C11orf65: variants seen among roughly 807,000 people sequenced by gnomAD.
The protein encoded by C11orf65 is protein MFI.
A neutral mutation model predicts 35.3 loss-of-function variants in C11orf65; 38 were observed. The ratio of observed to expected loss-of-function variants is 1.08; its 90% confidence interval spans 0.83 to 1.41. The LOEUF is 1.41. Among genes scored for constraint, C11orf65 ranks in the 40% most tolerant of loss-of-function variants. The pLI, the probability that C11orf65 is intolerant of heterozygous loss-of-function variation, is 0.00. For missense variants in C11orf65, 370 were observed against 367.1 expected (o/e 1.01, Z -0.06); for synonymous variants, 105 against 114.4 (o/e 0.92, Z 0.53).
intron 2 of C11orf65, among the ~76,000 whole-genome samples, chr11:108,375,424 C>G (rs965740140): frequency 6.7e-6 from 1 of 150,282 alleles, no homozygotes; most frequent in African/African-American, 2.4e-5. Flanking sequence ...ACTTTACAGA[C>G]AAGCAAATGC....
chr11:108,330,213 G>C (rs1555122941), downstream of C11orf65: 3 of 1,613,570 alleles, frequency 1.9e-6, no homozygotes, highest in Non-Finnish European at 2.5e-6. Flanking sequence ...TTCTATGCAA[G>C]ATACACAGTA....
rs567866889 is a variant in C11orf65, at chr11:108,385,701, T to A, written c.787+219A>T. On this transcript the variant is annotated intron_variant, in intron 8 of 8. Transcript: ENST00000393084. ...CGTCTCAAAAAAAAAAAAAGATTCA[T>A]ATTTTTAAAATCACTTTATTCAAAC... Among the ~76,000 whole-genome samples, 108 of 152,032 alleles carry A rather than the reference T, an allele frequency of 7.1e-4. 3 individuals carry two copies. In the South Asian group the frequency reaches 0.012, roughly 17 times the overall value.
intron 2 of C11orf65, among the ~76,000 whole-genome samples, chr11:108,351,625 G>A (rs1197789972): frequency 6.6e-6 from 1 of 152,120 alleles, no homozygotes; most frequent in East Asian, 1.9e-4. Context: ...CTCCCATGTG[G>A]CCTCTCTGTC....
At chr11:108,455,078 G>C (rs2093396614) in intron 2 of C11orf65, among the ~76,000 whole-genome samples, 1 of 151,998 alleles carries the variant, frequency 6.6e-6, no homozygotes, top group Admixed American at 6.6e-5. Context: ...TCTCCATTTT[G>C]TTTGTCTCAA....
chr11:108,376,035 T>C (rs2091714552), intron 2 of C11orf65, among the ~76,000 whole-genome samples: 1 of 152,010 alleles, frequency 6.6e-6, no homozygotes, highest in Non-Finnish European at 1.5e-5. Flanking sequence ...ACAATAATAA[T>C]GGGAGACTTT....
intron 2 of C11orf65, chr11:108,353,612 A>G: frequency 1.6e-6 from 1 of 629,494 alleles, no homozygotes; most frequent in Non-Finnish European, 2.9e-6. Flanking sequence ...AAGATGAGGA[A>G]GGCAGCCAGA....
chr11:108,317,960 C>T (rs2084892033), intron 6 of C11orf65, among the ~76,000 whole-genome samples: 1 of 152,034 alleles, frequency 6.6e-6, no homozygotes, highest in Non-Finnish European at 1.5e-5. Context: ...AGGCATTCCT[C>T]TTTCTACTTC....
chr11:108,311,966 T>C (rs138898342), intron 6 of C11orf65, among the ~76,000 whole-genome samples: 4 of 152,302 alleles, frequency 2.6e-5, no homozygotes, highest in African/African-American at 9.6e-5. Flanking sequence ...AAGTGGATCC[T>C]ACTGATCTAC....
rs368040451 is a variant in C11orf65 at position 108,375,881 on chromosome 11, A to G, written c.226+17327T>C. ...CTTTAAACCAACAAAGATCAAAAGAAACAAAGAAGGCCATTACATAATGGT... is the reference window on the plus strand; with the variant it reads ...CTTTAAACCAACAAAGATCAAAAGAGACAAAGAAGGCCATTACATAATGGT... On this transcript the variant is annotated intron_variant, in intron 2 of 3. Transcript: ENST00000524755. 9.8e-3 allele frequency among the ~76,000 whole-genome samples: 1,490 copies of G among 152,204 alleles called. 15 individuals carry two copies. The highest frequency in any genetic ancestry group is 0.033 in the African/African-American group (1,379 of 41,512).
At chr11:108,356,541 A>T (rs111301767) in intron 2 of C11orf65, among the ~76,000 whole-genome samples, 3,121 of 92,832 alleles carry the variant, frequency 0.034, 117 homozygotes, top group African/African-American at 0.12. Context: ...TGTCTGTCTT[A>T]AAAAAAAAAA....
In C11orf65 at chr11:108,319,987, A is replaced by AT. The variant is rs1198014194; in HGVS notation, c.641-10917dup. On this transcript the variant is annotated intron_variant, in intron 6 of 6. Coordinates refer to the C11orf65 transcript ENST00000525729. ...TAGAAGGAACCAGTTACCATGAATCATTGTACAATGCTCTACAATCTCTAA... is the reference window on the plus strand; with the variant it reads ...TAGAAGGAACCAGTTACCATGAATCATTTGTACAATGCTCTACAATCTCTAA... 1.2e-6 allele frequency: 2 copies of AT among 1,612,738 alleles called. No homozygotes were observed.
chr11:108,382,680 G>A, downstream of C11orf65: 3 of 661,078 alleles, frequency 4.5e-6, no homozygotes, highest in South Asian at 2.0e-4. Flanking sequence ...TGGGATAAAG[G>A]GACCGAGAGC....
chr11:108,365,415 C>CA lies in C11orf65; in HGVS notation c.226+27792dup, dbSNP rs587780645. ...AAGGAGTGGAAGAAGGCACTGTGCT[C>CA]AGTGTTGGTGGACAAGTGAATTTGC... On this transcript the variant is annotated intron_variant, in intron 2 of 3. Transcript: ENST00000524755. The CA allele has an allele frequency of 1.2e-6, 2 of 1,614,160 alleles. No homozygotes were observed.
intron 2 of C11orf65, chr11:108,336,264 A>G (rs2086841887): frequency 3.1e-6 from 1 of 324,116 alleles, no homozygotes; most frequent in Non-Finnish European, 5.8e-6. Context: ...CAAACTCTGC[A>G]GTGAGCCCCA....
Position 108,431,783 on chromosome 11 carries a change from T to C in C11orf65, c.137A>G (p.Glu46Gly). ...KSLIDLRRQG[E>G]PRQIVKYINP... ...AATATATTTCACTATCTGACGTGGT[T>C]CTCCTTGTCTTCTTAAATCAATCAG... Residue 46 changes from glutamate (E) to glycine (G), a missense_variant, in exon 3 of 9, where the codon GAA (glutamate) becomes GGA (glycine). Coordinates refer to ENST00000393084, the MANE Select transcript of C11orf65 (RefSeq NM_152587.5). The C allele has an allele frequency of 1.3e-6, 2 of 1,525,820 alleles. No individual in the cohort carries two copies. Among genetic ancestry groups the C allele is most frequent in the Admixed American group, 1.8e-5 (1 of 56,748 alleles). 94.5% of individuals were successfully genotyped at this position (1,525,820 alleles called of 1,614,324 possible). A position where few individuals can be genotyped will look rare whatever the true frequency, so the allele number is the denominator to read the frequency against.
intron 2 of C11orf65, among the ~76,000 whole-genome samples, chr11:108,359,342 T>C (rs960265573): frequency 6.6e-6 from 1 of 151,952 alleles, no homozygotes; most frequent in Admixed American, 6.6e-5. Context: ...CACACATTAA[T>C]AATGGGAGAC....
At chr11:108,389,199 A>C (rs775010278) in intron 7 of C11orf65, among the ~76,000 whole-genome samples, 4 of 152,246 alleles carry the variant, frequency 2.6e-5, no homozygotes, top group Non-Finnish European at 4.4e-5. Context: ...AATTTTCATC[A>C]AACAAGGTGT....
chr11:108,348,587 A>C (rs1484172096), intron 2 of C11orf65, among the ~76,000 whole-genome samples: 1 of 151,834 alleles, frequency 6.6e-6, no homozygotes, highest in African/African-American at 2.4e-5. Flanking sequence ...AATGTAATGT[A>C]AAGAAGTGTG....
At chr11:108,373,185 AAG>A (rs2091618404) in intron 2 of C11orf65, among the ~76,000 whole-genome samples, 1 of 152,230 alleles carries the variant, frequency 6.6e-6, no homozygotes, top group African/African-American at 2.4e-5. Context: ...CAATATAAGA[AAG>A]AGGTAAATCA....
Sources: allele counts gnomAD v4.1 joint callset (sites outside exome capture counted in the v4.1 genomes callset), GRCh38; gene constraint gnomAD v4.1.1; transcripts MANE v1.5; gene names NCBI Gene and HGNC (gene_info 2026-07-23, HGNC 2026-07-21).